The following THSD7B variants were observed in gnomAD, a reference collection of about 807,000 sequenced individuals.
The protein encoded by THSD7B is thrombospondin type 1 domain containing 7B.
Under a neutral mutation model 213.6 loss-of-function variants are expected in THSD7B, and 138 were observed. The ratio of observed to expected loss-of-function variants is 0.65; its 90% CI spans 0.56 to 0.74. The LOEUF (loss-of-function observed/expected upper bound fraction) is 0.74. THSD7B is among the 30% of genes least tolerant of loss of function. The probability of loss-of-function intolerance (pLI) is 0.00; values close to 1 mark genes in which losing one functional copy is unlikely to be tolerated. For synonymous variants in THSD7B, 742 were observed against 687.0 expected (o/e 1.08, Z -1.25); for missense variants, 1,931 against 1,991.5 (o/e 0.97, Z 0.58).
At chr2:137,000,024 C>T (rs917976803) in intron 2 of THSD7B, among the ~76,000 whole-genome samples, 24 of 152,086 alleles carry the variant, frequency 1.6e-4, no homozygotes, top group Admixed American at 2.6e-4. Context: ...TAACACTTCC[C>T]GTCTTTTCAT....
intron 7 of THSD7B, among the ~76,000 whole-genome samples, chr2:137,220,278 C>T (rs758603030): frequency 2.6e-5 from 4 of 151,886 alleles, no homozygotes. Flanking sequence ...ATTTTCAAAT[C>T]ACATGTGTGA....
At position 136,823,336 on chromosome 2, in the gene THSD7B, A is replaced by G. The variant is rs78534307; in HGVS notation, c.-36+57649A>G. Among the ~76,000 whole-genome samples the G allele has an allele frequency of 1.5e-3, 232 of 152,306 alleles. 5 individuals are homozygous for G. The East Asian group carries it at 0.04, about 26-fold the overall frequency. On this transcript the variant is annotated intron_variant, in intron 1 of 27. Transcript: ENST00000409968. ...AGAACAGTTTAGTACTTCATCTCTC[A>G]ATGTCAGTTTCATTTTGTTTTCTCT...
At chr2:137,208,626 G>A (rs1036035094) in intron 7 of THSD7B, among the ~76,000 whole-genome samples, 1 of 152,006 alleles carries the variant, frequency 6.6e-6, no homozygotes, top group Non-Finnish European at 1.5e-5. Context: ...TCTCCTCAAA[G>A]GCTCAGAGGT....
chr2:137,479,198 G>T (rs1488843007), intron 15 of THSD7B, among the ~76,000 whole-genome samples: 3 of 152,196 alleles, frequency 2.0e-5, no homozygotes, highest in African/African-American at 4.8e-5. Flanking sequence ...GCTGCAATGG[G>T]CTAGCAAGGC....
At chr2:136,893,159 A>G (rs1393184864) in intron 2 of THSD7B, among the ~76,000 whole-genome samples, 4 of 152,182 alleles carry the variant, frequency 2.6e-5, no homozygotes, top group Non-Finnish European at 4.4e-5. Flanking sequence ...GAACTGGGTT[A>G]ATTTTACAAT....
chr2:136,779,577 GA>G (rs991266809), intron 1 of THSD7B, among the ~76,000 whole-genome samples: 68 of 151,962 alleles, frequency 4.5e-4, no homozygotes, highest in Non-Finnish European at 3.1e-4. Context: ...ATTAGAGTAA[GA>G]AAAAAAATCT....
chr2:137,320,328 A>G (rs1108163), intron 12 of THSD7B, among the ~76,000 whole-genome samples: 7,430 of 152,246 alleles, frequency 0.049, 219 homozygotes, highest in Non-Finnish European at 0.066. Flanking sequence ...AGTATTGTTA[A>G]TCATTTTTGC....
At chr2:137,634,376 T>C (rs774814605) in intron 20 of THSD7B, among the ~76,000 whole-genome samples, 1 of 152,206 alleles carries the variant, frequency 6.6e-6, no homozygotes, top group African/African-American at 2.4e-5. Context: ...CATATACTAC[T>C]ACTATTGCTT....
chr2:136,860,714 A>G (rs1683244905), intron 1 of THSD7B, among the ~76,000 whole-genome samples: 1 of 152,192 alleles, frequency 6.6e-6, no homozygotes, highest in South Asian at 2.1e-4. Flanking sequence ...CTGGTTTCCC[A>G]AATATATTCT....
chr2:137,420,239 C>A (rs1033505637), intron 14 of THSD7B, among the ~76,000 whole-genome samples: 10 of 152,098 alleles, frequency 6.6e-5, no homozygotes, highest in Non-Finnish European at 1.5e-4. Context: ...TCCAGCAGTC[C>A]TGGGTTCTAG....
At chr2:137,204,306 G>T (rs528934101) in intron 7 of THSD7B, among the ~76,000 whole-genome samples, 1 of 152,132 alleles carries the variant, frequency 6.6e-6, no homozygotes, top group African/African-American at 2.4e-5. Context: ...GCAAAATTGG[G>T]GTTTTCCCTT....
At chr2:137,404,888 A>G (rs1005436563) in intron 12 of THSD7B, among the ~76,000 whole-genome samples, 1 of 152,018 alleles carries the variant, frequency 6.6e-6, no homozygotes, top group Non-Finnish European at 1.5e-5. Context: ...GATAAAAGAC[A>G]ACAAATATGG....
chr2:136,998,823 A>G (rs1389305914), intron 2 of THSD7B, among the ~76,000 whole-genome samples: 1 of 151,964 alleles, frequency 6.6e-6, no homozygotes, highest in Non-Finnish European at 1.5e-5. Flanking sequence ...TGAGAAGTTT[A>G]AAAACATACT....
chr2:137,014,764 G>A (rs1041846464), intron 2 of THSD7B, among the ~76,000 whole-genome samples: 3 of 152,104 alleles, frequency 2.0e-5, no homozygotes, highest in Non-Finnish European at 4.4e-5. Context: ...TCAGACCTCC[G>A]TTTTCCTCAC....
intron 1 of THSD7B, among the ~76,000 whole-genome samples, chr2:136,874,655 G>C (rs1269624678): frequency 6.6e-6 from 1 of 152,198 alleles, no homozygotes; most frequent in Non-Finnish European, 1.5e-5. Context: ...TGCGTATGAA[G>C]TGTGAGGCAC....
chr2:137,210,815 T>TAA (rs201408897), intron 7 of THSD7B, among the ~76,000 whole-genome samples: 1 of 133,434 alleles, frequency 7.5e-6, no homozygotes, highest in Non-Finnish European at 1.6e-5. Flanking sequence ...TAGTTAAAGT[T>TAA]AAAAAAAAGT....
At chr2:136,952,009 A>G (rs564358308) in intron 2 of THSD7B, among the ~76,000 whole-genome samples, 238 of 152,196 alleles carry the variant, frequency 1.6e-3, no homozygotes, top group African/African-American at 5.7e-3. Context: ...AGCTGGAACT[A>G]CAGGCACGCA....
intron 12 of THSD7B, among the ~76,000 whole-genome samples, chr2:137,369,047 C>A (rs1039712993): frequency 2.8e-5 from 4 of 143,926 alleles, no homozygotes; most frequent in Non-Finnish European, 4.5e-5. Context: ...CTTTCACACC[C>A]AAGCCACTTA....
chr2:137,581,774 A>AT (rs1558847708), intron 17 of THSD7B, among the ~76,000 whole-genome samples: 9 of 148,194 alleles, frequency 6.1e-5, no homozygotes, highest in African/African-American at 2.2e-4. Context: ...AAAAAAATAA[A>AT]AAAAAAAAAA....
Sources: allele counts gnomAD v4.1 joint callset (sites outside exome capture counted in the v4.1 genomes callset), GRCh38; gene constraint gnomAD v4.1.1; transcripts MANE v1.5; gene names NCBI Gene and HGNC (gene_info 2026-07-23, HGNC 2026-07-21).